MALRD1: variants seen among roughly 807,000 people sequenced by gnomAD.
MALRD1 encodes the protein MAM and LDL receptor class A domain containing 1.
A neutral mutation model predicts 242.1 loss-of-function variants in MALRD1; 247 were observed. The ratio of observed to expected loss-of-function variants is 1.02; its 90% CI spans 0.92 to 1.13. MALRD1 has a LOEUF of 1.13. Ranked by LOEUF, MALRD1 falls within the 50% of genes most tolerant of loss-of-function variation. The pLI is 0.00. For missense variants in MALRD1, 2,989 were observed against 2,533.1 expected, an observed-to-expected ratio of 1.18 and a Z score of -3.86; for synonymous variants, 995 against 866.6, an observed-to-expected ratio of 1.15 and a Z score of -2.60.
At chr10:19,064,996 C>T (rs1834927570) in intron 1 of MALRD1, among the ~76,000 whole-genome samples, 1 of 145,422 alleles carries the variant, frequency 6.9e-6, no homozygotes. Flanking sequence ...TTTAGAAATC[C>T]CTAGAAAAGG....
chr10:19,530,785 G>A (rs1834379041), intron 31 of MALRD1, among the ~76,000 whole-genome samples: 1 of 151,920 alleles, frequency 6.6e-6, no homozygotes, highest in African/African-American at 2.4e-5. Flanking sequence ...CTACTACCCT[G>A]GCCAGTGTGG....
At chr10:19,225,873 A>G (rs1837779033) in intron 18 of MALRD1, among the ~76,000 whole-genome samples, 1 of 152,128 alleles carries the variant, frequency 6.6e-6, no homozygotes, top group Non-Finnish European at 1.5e-5. Context: ...ATTTCATGTG[A>G]TTATATTTGA....
intron 38 of MALRD1, among the ~76,000 whole-genome samples, chr10:19,717,657 G>A (rs577097065): frequency 1.5e-4 from 23 of 152,264 alleles, no homozygotes; most frequent in Admixed American, 1.2e-3. Context: ...ACCTCCAGAA[G>A]TCCAGAGCCC....
intron 33 of MALRD1, among the ~76,000 whole-genome samples, chr10:19,581,503 A>G (rs1837122945): frequency 6.6e-6 from 1 of 151,566 alleles, no homozygotes; most frequent in African/African-American, 2.4e-5. Context: ...GTTTACTGAG[A>G]ATGATGATTT....
rs572073842 is a variant in MALRD1, at chr10:19,452,779, A to G, written c.5029+2289A>G. Reference sequence around the variant, plus strand: ...TTGCTTTCTGCAGTTGCCACTTCAGATGGTGAGAATGGTATTTAGCAAAAC... The same window carrying G: ...TTGCTTTCTGCAGTTGCCACTTCAGGTGGTGAGAATGGTATTTAGCAAAAC... On this transcript the variant is annotated intron_variant, in intron 29 of 39. Transcript: ENST00000454679. Among the ~76,000 whole-genome samples the G allele has an allele frequency of 5.1e-4, 78 of 152,268 alleles. 1 individual carries two copies. The highest frequency in any genetic ancestry group is 1.8e-3 in the African/African-American group (76 of 41,558).
intron 26 of MALRD1, among the ~76,000 whole-genome samples, chr10:19,373,944 A>G (rs1235678383): frequency 1.3e-5 from 2 of 152,214 alleles, no homozygotes; most frequent in East Asian, 3.9e-4. Flanking sequence ...CACCCTGAAT[A>G]GTGCAAAACC....
chr10:19,399,681 A>T (rs1001863844), intron 28 of MALRD1, among the ~76,000 whole-genome samples: 6 of 152,232 alleles, frequency 3.9e-5, no homozygotes, highest in African/African-American at 1.2e-4. Context: ...TCTCTGTAAG[A>T]AATGAATATA....
chr10:19,202,297 A>G (rs752857205), intron 14 of MALRD1, among the ~76,000 whole-genome samples: 4 of 152,034 alleles, frequency 2.6e-5, no homozygotes, highest in Non-Finnish European at 2.9e-5. Context: ...ATTCAGAACT[A>G]CTCTGCTGGC....
At chr10:19,347,287 C>T (rs1430801598) in intron 24 of MALRD1, among the ~76,000 whole-genome samples, 2 of 152,162 alleles carry the variant, frequency 1.3e-5, no homozygotes, top group Admixed American at 1.3e-4. Context: ...CAAATTATCA[C>T]ACCTTTTTAC....
At chr10:19,615,638 G>A (rs1177712148) in intron 35 of MALRD1, among the ~76,000 whole-genome samples, 1 of 151,468 alleles carries the variant, frequency 6.6e-6, no homozygotes, top group African/African-American at 2.4e-5. Flanking sequence ...GATTATTCAA[G>A]CATGCGAAGG....
At chr10:19,517,977 A>G (rs551548225) in intron 31 of MALRD1, among the ~76,000 whole-genome samples, 1 of 152,358 alleles carries the variant, frequency 6.6e-6, no homozygotes, top group Admixed American at 6.5e-5. Context: ...GGTAGCACTC[A>G]GAACCAGAAA....
chr10:19,196,307 A>G (rs1836243760), intron 14 of MALRD1, among the ~76,000 whole-genome samples: 1 of 152,188 alleles, frequency 6.6e-6, no homozygotes, highest in African/African-American at 2.4e-5. Context: ...ATTACTCAAA[A>G]GAATTCACTG....
intron 29 of MALRD1, among the ~76,000 whole-genome samples, chr10:19,459,015 A>G (rs1413164247): frequency 2.6e-5 from 4 of 152,162 alleles, no homozygotes; most frequent in Non-Finnish European, 4.4e-5. Flanking sequence ...ACACAATGCA[A>G]TATTACATAA....
chr10:19,684,102 A>C (rs2358474), intron 36 of MALRD1, among the ~76,000 whole-genome samples: 145,726 of 152,256 alleles, frequency 0.96, 69,774 homozygotes, highest in East Asian at 0.98. Flanking sequence ...CACGTTCCTG[A>C]AAAGGACATG....
chr10:19,073,648 C>T lies in MALRD1; in HGVS notation c.340+6789C>T, dbSNP rs531339393. ...AACATAAATGAATTTTATGTTTAGA[C>T]TTGTGTCCCATCTCTAATGCATGTG... On this transcript the variant is annotated intron_variant, in intron 2 of 39. Coordinates refer to ENST00000454679, the MANE Select transcript of MALRD1 (RefSeq NM_001142308.3). 4.6e-5 allele frequency among the ~76,000 whole-genome samples: 7 copies of T among 152,218 alleles called. No homozygotes were observed. The East Asian group carries it at 1.4e-3, about 29-fold the overall frequency.
chr10:19,585,598 G>A (rs962720061), intron 33 of MALRD1, among the ~76,000 whole-genome samples: 4 of 152,138 alleles, frequency 2.6e-5, no homozygotes, highest in East Asian at 1.9e-4. Flanking sequence ...GAGATCTGCT[G>A]TTATTCTGAT....
At chr10:19,400,119 A>G (rs576241797) in intron 28 of MALRD1, among the ~76,000 whole-genome samples, 65 of 152,294 alleles carry the variant, frequency 4.3e-4, no homozygotes, top group South Asian at 8.3e-4. Context: ...TACACTGTCT[A>G]CTATCATGGA....
intron 31 of MALRD1, among the ~76,000 whole-genome samples, chr10:19,510,921 C>T (rs1034381820): frequency 1.3e-5 from 2 of 152,168 alleles, no homozygotes; most frequent in African/African-American, 2.4e-5. Context: ...TATCCGTGTG[C>T]AGCAAGAGGT....
chr10:19,163,136 C>CAAAAAA (rs1564433382), intron 12 of MALRD1, among the ~76,000 whole-genome samples: 1 of 36,918 alleles, frequency 2.7e-5, no homozygotes. Flanking sequence ...GAAACCCTGT[C>CAAAAAA]TAAAAAAAAA....
Sources: gnomAD v4.1 joint callset for allele counts (sites outside exome capture counted in the v4.1 genomes callset) on GRCh38, gnomAD v4.1.1 for gene constraint, MANE v1.5 for transcripts, NCBI Gene and HGNC (gene_info 2026-07-23, HGNC 2026-07-21) for gene names.